Variants in CCBE1 observed in about 807,000 individuals in gnomAD.
CCBE1 encodes the protein collagen and calcium binding EGF domains 1.
In CCBE1, 37 loss-of-function variants were observed where a neutral mutation model predicts 50.0. The ratio of observed to expected loss-of-function variants is 0.74; its 90% confidence interval spans 0.57 to 0.97. The LOEUF is 0.97. CCBE1 is among the 50% of genes least tolerant of loss of function. The pLI is 0.00. For missense variants in CCBE1, 538 were observed against 523.8 expected, an observed-to-expected ratio of 1.03 and a Z score of -0.26; for synonymous variants, 234 against 203.7, an observed-to-expected ratio of 1.15 and a Z score of -1.27.
chr18:59,608,751 C>G (rs1279427678), intron 2 of CCBE1, among the ~76,000 whole-genome samples: 1 of 152,182 alleles, frequency 6.6e-6, no homozygotes, highest in Non-Finnish European at 1.5e-5. Context: ...CGGAGTCTTT[C>G]CCTTTAGCAC....
intron 2 of CCBE1, among the ~76,000 whole-genome samples, chr18:59,595,468 C>T (rs2053337691): frequency 6.6e-6 from 1 of 152,254 alleles, no homozygotes; most frequent in South Asian, 2.1e-4. Flanking sequence ...ATAATAAATC[C>T]AAGAAAACTG....
At chr18:59,618,240 G>A (rs1029827400) in intron 2 of CCBE1, among the ~76,000 whole-genome samples, 2 of 151,958 alleles carry the variant, frequency 1.3e-5, no homozygotes, top group African/African-American at 4.8e-5. Flanking sequence ...CTTGAGGCAA[G>A]GAAATTGAGA....
At chr18:59,458,355 C>T (rs1449368986) in intron 5 of CCBE1, among the ~76,000 whole-genome samples, 1 of 152,108 alleles carries the variant, frequency 6.6e-6, no homozygotes, top group Non-Finnish European at 1.5e-5. Flanking sequence ...TTTCAATTCA[C>T]CTTTAAGAAT....
intron 2 of CCBE1, among the ~76,000 whole-genome samples, chr18:59,652,278 A>C (rs1043537793): frequency 6.6e-6 from 1 of 152,198 alleles, no homozygotes; most frequent in African/African-American, 2.4e-5. Context: ...TCGAAGAATC[A>C]AGAAAAACTC....
At chr18:59,574,584 T>C (rs1403509854) in intron 2 of CCBE1, among the ~76,000 whole-genome samples, 1 of 152,248 alleles carries the variant, frequency 6.6e-6, no homozygotes, top group Non-Finnish European at 1.5e-5. Context: ...AAATATAACT[T>C]TAAACTTCTA....
At chr18:59,440,520 T>A (rs1568139730) in intron 7 of CCBE1, among the ~76,000 whole-genome samples, 1 of 152,116 alleles carries the variant, frequency 6.6e-6, no homozygotes, top group Non-Finnish European at 1.5e-5. Flanking sequence ...TTTTTGATAT[T>A]TCTATAGGGA....
At chr18:59,678,113 T>C (rs948131130) in intron 2 of CCBE1, among the ~76,000 whole-genome samples, 1 of 152,138 alleles carries the variant, frequency 6.6e-6, no homozygotes, top group Non-Finnish European at 1.5e-5. Context: ...GCATGTACAA[T>C]GCTGATAAGT....
chr18:59,566,710 G>C (rs1254517542), intron 2 of CCBE1, among the ~76,000 whole-genome samples: 5 of 152,126 alleles, frequency 3.3e-5, no homozygotes, highest in Non-Finnish European at 7.4e-5. Flanking sequence ...CTCCTATTAA[G>C]AAATACTACC....
intron 2 of CCBE1, among the ~76,000 whole-genome samples, chr18:59,495,437 T>C (rs893568709): frequency 2.2e-5 from 3 of 136,104 alleles, no homozygotes; most frequent in Middle Eastern, 4.0e-3. Context: ...AGGTTCAAAA[T>C]AGGAAAGTGA....
intron 2 of CCBE1, among the ~76,000 whole-genome samples, chr18:59,668,810 TC>T (rs1429317263): frequency 1.4e-5 from 2 of 148,098 alleles, no homozygotes; most frequent in Non-Finnish European, 3.0e-5. Flanking sequence ...ATGATGGTTT[TC>T]CATAAGTCTT....
intron 2 of CCBE1, among the ~76,000 whole-genome samples, chr18:59,565,860 T>C (rs1200839515): frequency 6.6e-6 from 1 of 151,992 alleles, no homozygotes; most frequent in Non-Finnish European, 1.5e-5. Context: ...GAAAATCGAA[T>C]GCAAAACTCA....
At chr18:59,578,302 T>C (rs1013488642) in intron 2 of CCBE1, among the ~76,000 whole-genome samples, 1 of 152,172 alleles carries the variant, frequency 6.6e-6, no homozygotes, top group Non-Finnish European at 1.5e-5. Flanking sequence ...AGGAAACAGA[T>C]GCTGGAGAGG....
At chr18:59,674,293 C>A (rs1333514216) in intron 2 of CCBE1, among the ~76,000 whole-genome samples, 1 of 152,100 alleles carries the variant, frequency 6.6e-6, no homozygotes, top group East Asian at 1.9e-4. Flanking sequence ...ATACTGTACA[C>A]CTATAAAAAA....
chr18:59,627,746 G>T (rs1186944947), intron 2 of CCBE1, among the ~76,000 whole-genome samples: 1 of 152,170 alleles, frequency 6.6e-6, no homozygotes, highest in Non-Finnish European at 1.5e-5. Flanking sequence ...CTCCCCTAGT[G>T]CCTTCAGAGG....
chr18:59,644,947 A>C (rs1159645635), intron 2 of CCBE1, among the ~76,000 whole-genome samples: 11 of 152,218 alleles, frequency 7.2e-5, no homozygotes, highest in Non-Finnish European at 2.9e-5. Flanking sequence ...AGGGATGAAA[A>C]GTTATACCCA....
rs575599368 is a variant in CCBE1 at position 59,455,170 on chromosome 18, G to T, written c.554-219C>A. On this transcript the variant is annotated intron_variant, in intron 5 of 10. Transcript: ENST00000439986. ...GGGAGAGGGGCCCTGCTAGAAGCTG[G>T]GCTCAGCTGTTCCTATTTAGACATG... is the stretch of plus-strand genomic sequence containing the variant. 164 of 648,630 alleles carry T rather than the reference G, an allele frequency of 2.5e-4. 2 individuals are homozygous for T. The South Asian group carries it at 2.6e-3, about 10-fold the overall frequency. 40.2% of individuals were successfully genotyped at this position (648,630 alleles called of 1,614,324 possible).
chr18:59,444,543 G>A (rs1484154741), intron 7 of CCBE1, among the ~76,000 whole-genome samples: 1 of 134,984 alleles, frequency 7.4e-6, no homozygotes. Context: ...TTGAGAGGGG[G>A]TCTTGCTCTG....
chr18:59,541,486 C>T (rs180737749), intron 2 of CCBE1, among the ~76,000 whole-genome samples: 2 of 152,258 alleles, frequency 1.3e-5, no homozygotes, highest in East Asian at 3.9e-4. Context: ...TTCAAATAAC[C>T]TCACCATCTT....
chr18:59,527,670 C>T (rs977321760), intron 2 of CCBE1, among the ~76,000 whole-genome samples: 13 of 152,280 alleles, frequency 8.5e-5, no homozygotes, highest in African/African-American at 2.6e-4. Flanking sequence ...TCTTGCAAGA[C>T]AGGCCTTGTG....
Sources: gnomAD v4.1 joint callset for allele counts (sites outside exome capture counted in the v4.1 genomes callset) on GRCh38, gnomAD v4.1.1 for gene constraint, MANE v1.5 for transcripts, NCBI Gene and HGNC (gene_info 2026-07-23, HGNC 2026-07-21) for gene names.